The following ZNF664 variants were observed in gnomAD, a reference collection of about 807,000 sequenced individuals.
ZNF664 encodes the protein zinc finger Organ of Corti 1.
Under a neutral mutation model 18.2 loss-of-function variants are expected in ZNF664, and 10 were observed. The observed-to-expected ratio is 0.55, with a 90% confidence interval of 0.34 to 0.93. ZNF664 has a LOEUF of 0.93. Ranked by LOEUF, ZNF664 falls within the 40% of genes least tolerant of loss-of-function variation. The probability of loss-of-function intolerance (pLI) is 0.02; values close to 1 mark genes in which losing one functional copy is unlikely to be tolerated. For synonymous variants in ZNF664, 119 were observed against 104.2 expected, an observed-to-expected ratio of 1.14 and a Z score of -0.86; for missense variants, 193 against 319.0, an observed-to-expected ratio of 0.61 and a Z score of 3.01.
intron 3 of ZNF664, among the ~76,000 whole-genome samples, chr12:123,996,426 CAG>C (rs1956949201): frequency 6.6e-6 from 1 of 152,136 alleles, no homozygotes; most frequent in African/African-American, 2.4e-5. Flanking sequence ...TATGGACACA[CAG>C]AGCTGGAGAT....
At chr12:124,008,844 CA>C (rs1284985961) in intron 3 of ZNF664, among the ~76,000 whole-genome samples, 2 of 152,052 alleles carry the variant, frequency 1.3e-5, no homozygotes, top group Non-Finnish European at 2.9e-5. Context: ...TCTGGCATAA[CA>C]GGATGTCCCA....
rs536701234 is a variant in ZNF664 at position 124,011,927 on chromosome 12, C to T, written c.-218C>T. The T allele has an allele frequency of 1.3e-4, 169 of 1,350,944 alleles. No homozygotes were observed. Among genetic ancestry groups the T allele is most frequent in the Admixed American group, 1.1e-3 (32 of 28,158 alleles). 83.7% of individuals were successfully genotyped at this position (1,350,944 alleles called of 1,614,324 possible). On this transcript the variant is annotated 5_prime_UTR_variant, in exon 5 of 5. The change creates a premature stop within an existing upstream ORF in the 5' untranslated region. Coordinates refer to ENST00000337815, the MANE Select transcript of ZNF664 (RefSeq NM_152437.3). ...GTGGAAGTCAATGTCACTTTATAAT[C>T]GATAATAATACTGAGTGAGGAACAC...
chr12:124,007,392 G>A (rs1957085007), intron 3 of ZNF664, among the ~76,000 whole-genome samples: 1 of 152,190 alleles, frequency 6.6e-6, no homozygotes. Context: ...CCTGGAGGGG[G>A]CTCTGGAAGA....
chr12:124,006,153 G>A (rs1424939087), intron 3 of ZNF664: 1 of 152,314 alleles, frequency 6.6e-6, no homozygotes, highest in Non-Finnish European at 1.5e-5. Flanking sequence ...AGCCTGTGTT[G>A]AATATAATCC....
Position 124,012,998 on chromosome 12 carries a change from C to CAAT in ZNF664, c.*68_*69insAAT. On this transcript the variant is annotated 3_prime_UTR_variant, in exon 5 of 5. Coordinates refer to ENST00000337815, the MANE Select transcript of ZNF664 (RefSeq NM_152437.3). ...CACTAGGAAGGAAACCCTGTATATA[C>CAAT]CTACATTGACCCAAGAAATATTTAC... is the stretch of plus-strand genomic sequence containing the variant. 1 of 1,504,052 alleles carries CAAT rather than the reference C, an allele frequency of 6.6e-7. No individual in the cohort carries two copies. Among genetic ancestry groups the CAAT allele is most frequent in the African/African-American group, 1.4e-5 (1 of 70,966 alleles). The allele number at this position is 1,504,052 out of a possible 1,614,324, so 93.2% of individuals were successfully genotyped here. A position where few individuals can be genotyped will look rare whatever the true frequency, so the allele number is the denominator to read the frequency against.
intron 3 of ZNF664, among the ~76,000 whole-genome samples, chr12:123,999,049 A>T (rs952782636): frequency 6.6e-6 from 1 of 152,154 alleles, no homozygotes; most frequent in Non-Finnish European, 1.5e-5. Flanking sequence ...TGGATCCTTT[A>T]TATGTTATGA....
At chr12:123,987,995 A>G (rs2138363030) in intron 2 of ZNF664, 48 bp from the exon 3 acceptor site, 1 of 1,231,024 alleles carries the variant, frequency 8.1e-7, no homozygotes, top group East Asian at 3.2e-5. Flanking sequence ...GTGATCCTAA[A>G]TTCTCTATAA....
chr12:123,986,708 GTGGTCATGTGGCCGA>G (rs1956829557), intron 2 of ZNF664, among the ~76,000 whole-genome samples: 1 of 152,192 alleles, frequency 6.6e-6, no homozygotes, highest in African/African-American at 2.4e-5. Flanking sequence ...GGTCTCAGAA[GTGGTCATGTGGCCGA>G]TGGCTGCCTG....
rs535524166 is a variant in ZNF664, at chr12:123,984,358, A to G, written c.-756-3685A>G. Among the ~76,000 whole-genome samples, 15 of 152,036 alleles carry G rather than the reference A, an allele frequency of 9.9e-5. 1 individual carries two copies. The highest frequency in any genetic ancestry group is 3.4e-4 in the African/African-American group (14 of 41,346). On this transcript the variant is annotated intron_variant, in intron 2 of 4. Coordinates refer to ENST00000337815, the MANE Select transcript of ZNF664 (RefSeq NM_152437.3). ...TGGATTGGCCAAGAGAAGGCCGACA[A>G]TGAGAGAGGAACCTCGGTGGTGTGG...
At chr12:123,994,769 T>C (rs1956928214) in intron 3 of ZNF664, among the ~76,000 whole-genome samples, 1 of 152,220 alleles carries the variant, frequency 6.6e-6, no homozygotes, top group Non-Finnish European at 1.5e-5. Context: ...CTCTGGTATG[T>C]TAAAATCCCT....
Position 124,009,420 on chromosome 12 carries a change from T to C in ZNF664, c.-660-1961T>C, listed in dbSNP as rs138470410. On this transcript the variant is annotated intron_variant, in intron 3 of 4. Transcript: ENST00000337815. ...AGTATATTCAGAGAAGTCTTAACTGTATTCTCCCCCATAAGTAATCATTAA... is the reference window on the plus strand; with the variant it reads ...AGTATATTCAGAGAAGTCTTAACTGCATTCTCCCCCATAAGTAATCATTAA... Among the ~76,000 whole-genome samples, 393 of 152,292 alleles carry C rather than the reference T, an allele frequency of 2.6e-3. 2 individuals are homozygous for C. Among genetic ancestry groups the C allele is most frequent in the African/African-American group, 9.0e-3 (376 of 41,572 alleles).
intron 3 of ZNF664, among the ~76,000 whole-genome samples, chr12:123,994,023 A>G (rs1043735020): frequency 6.6e-6 from 1 of 152,204 alleles, no homozygotes; most frequent in Non-Finnish European, 1.5e-5. Flanking sequence ...TCCTTTATAA[A>G]GCATCTCTTT....
intron 2 of ZNF664, among the ~76,000 whole-genome samples, chr12:123,987,331 A>T (rs900948078): frequency 2.2e-4 from 33 of 152,186 alleles, no homozygotes; most frequent in African/African-American, 7.7e-4. Context: ...TTAAAGCTAG[A>T]TCTTGAGATC....
intron 3 of ZNF664, among the ~76,000 whole-genome samples, chr12:124,005,482 A>AGTGTGT (rs751514633): frequency 0.016 from 1,501 of 91,900 alleles, 23 homozygotes; most frequent in East Asian, 0.04. Context: ...TAATTTATAG[A>AGTGTGT]ATGTGTGTGT....
chr12:124,006,294 C>G (rs371855563), intron 3 of ZNF664: 1 of 152,270 alleles, frequency 6.6e-6, no homozygotes, highest in Non-Finnish European at 1.5e-5. Context: ...CAGCCTCGGC[C>G]CTATGCTGGA....
At chr12:124,005,622 T>G (rs923029872) in intron 3 of ZNF664, among the ~76,000 whole-genome samples, 25 of 152,236 alleles carry the variant, frequency 1.6e-4, no homozygotes, top group African/African-American at 5.8e-4. Flanking sequence ...GTTCCAAGAT[T>G]AAGTGGGAAT....
At chr12:123,981,214 T>C (rs960978725) in intron 2 of ZNF664, among the ~76,000 whole-genome samples, 2 of 151,972 alleles carry the variant, frequency 1.3e-5, no homozygotes, top group South Asian at 4.2e-4. Context: ...TGGGGGGAAG[T>C]CAATGATATT....
chr12:124,010,883 G>T (rs980513813), intron 3 of ZNF664, among the ~76,000 whole-genome samples: 7 of 152,212 alleles, frequency 4.6e-5, no homozygotes, highest in African/African-American at 1.7e-4. Context: ...TGGCTTAAGT[G>T]CTGGGAACAG....
chr12:123,982,176 C>T (rs75989601), intron 2 of ZNF664, among the ~76,000 whole-genome samples: 49,119 of 151,998 alleles, frequency 0.32, 8,118 homozygotes, highest in Middle Eastern at 0.37. Flanking sequence ...AGAGTGGTGC[C>T]CTTTCATCCA....
Sources: allele counts gnomAD v4.1 joint callset (sites outside exome capture counted in the v4.1 genomes callset), GRCh38; gene constraint gnomAD v4.1.1; transcripts MANE v1.5; gene names NCBI Gene and HGNC (gene_info 2026-07-23, HGNC 2026-07-21).